QTMAN: variants seen among roughly 807,000 people sequenced by gnomAD.
The protein encoded by QTMAN is queuosine-tRNA mannosyltransferase.
chr2:144,069,309 A>AC, the QTMAN span, among the ~76,000 whole-genome samples: 2 of 151,920 alleles, frequency 1.3e-5, no homozygotes, highest in African/African-American at 2.4e-5. Flanking sequence ...AAAAAAAAAA[A>AC]AAAACACCTA....
At chr2:144,234,429 T>G in the QTMAN span, among the ~76,000 whole-genome samples, 1 of 152,030 alleles carries the variant, frequency 6.6e-6, no homozygotes, top group African/African-American at 2.4e-5. Flanking sequence ...AAGGGAGAGG[T>G]CTATTTTCTA....
At chr2:144,119,983 CA>C in the QTMAN span, among the ~76,000 whole-genome samples, 19 of 152,006 alleles carry the variant, frequency 1.2e-4, no homozygotes, top group Admixed American at 1.3e-4. Context: ...AGTAATGTGA[CA>C]AAGTTACTGT....
chr2:144,255,176 G>C, the QTMAN span, among the ~76,000 whole-genome samples: 16 of 152,176 alleles, frequency 1.1e-4, no homozygotes, highest in African/African-American at 3.6e-4. Flanking sequence ...AGATTTGGGA[G>C]GGGCCAGGGG....
the QTMAN span, among the ~76,000 whole-genome samples, chr2:144,151,333 C>A: frequency 3.3e-5 from 5 of 152,006 alleles, no homozygotes; most frequent in African/African-American, 1.2e-4. Context: ...ATACTCATGT[C>A]CATAAAGTTT....
the QTMAN span, among the ~76,000 whole-genome samples, chr2:144,133,151 A>ATATAT: frequency 6.0e-4 from 31 of 51,378 alleles, no homozygotes; most frequent in African/African-American, 2.3e-3. Flanking sequence ...ATATATATAT[A>ATATAT]ATATAATATA....
chr2:144,101,058 T>C, the QTMAN span, among the ~76,000 whole-genome samples: 280 of 151,976 alleles, frequency 1.8e-3, no homozygotes, highest in African/African-American at 6.3e-3. Flanking sequence ...TTAGTACAGA[T>C]GGGGTTTCAC....
the QTMAN span, among the ~76,000 whole-genome samples, chr2:144,008,736 A>G: frequency 6.6e-6 from 1 of 152,086 alleles, no homozygotes; most frequent in African/African-American, 2.4e-5. Flanking sequence ...ATATCACATT[A>G]TTGAAATGAA....
At chr2:143,952,122 C>T in the QTMAN span, 15 of 1,036,836 alleles carry the variant, frequency 1.4e-5, no homozygotes, top group African/African-American at 1.6e-4. Flanking sequence ...CCTCAAAGCA[C>T]ACACTCGATA....
the QTMAN span, among the ~76,000 whole-genome samples, chr2:144,095,524 C>T: frequency 1.3e-5 from 2 of 152,084 alleles, no homozygotes; most frequent in Non-Finnish European, 2.9e-5. Flanking sequence ...CTGTTAGATG[C>T]ATCATGACAT....
chr2:144,064,276 G>A, the QTMAN span, among the ~76,000 whole-genome samples: 17 of 152,190 alleles, frequency 1.1e-4, no homozygotes, highest in African/African-American at 3.1e-4. Flanking sequence ...GGAAGCATTC[G>A]ATTTCATTCA....
At chr2:144,297,728 G>A in the QTMAN span, among the ~76,000 whole-genome samples, 30 of 150,150 alleles carry the variant, frequency 2.0e-4, no homozygotes, top group African/African-American at 6.9e-4. Context: ...CTACAGGTGC[G>A]TGCCACCACA....
At chr2:144,036,003 T>C in the QTMAN span, among the ~76,000 whole-genome samples, 1 of 152,220 alleles carries the variant, frequency 6.6e-6, no homozygotes, top group African/African-American at 2.4e-5. Context: ...GAGCATGTAA[T>C]TTCCTGGTTG....
the QTMAN span, among the ~76,000 whole-genome samples, chr2:144,102,451 G>A: frequency 4.6e-5 from 7 of 152,238 alleles, no homozygotes; most frequent in South Asian, 2.1e-4. Context: ...TACTTTTGAC[G>A]TTTTACAGCT....
the QTMAN span, among the ~76,000 whole-genome samples, chr2:144,043,227 TTGTGTGTG>T: frequency 4.0e-5 from 6 of 148,694 alleles, no homozygotes; most frequent in South Asian, 4.3e-4. Flanking sequence ...ATGTGTGAAT[TTGTGTGTG>T]TGTGTGTGTG....
the QTMAN span, among the ~76,000 whole-genome samples, chr2:144,128,847 T>A: frequency 6.6e-6 from 1 of 152,000 alleles, no homozygotes; most frequent in African/African-American, 2.4e-5. Context: ...GAAATGTAGT[T>A]GACATTTTTG....
At chr2:144,197,644 C>T in the QTMAN span, among the ~76,000 whole-genome samples, 4 of 152,072 alleles carry the variant, frequency 2.6e-5, no homozygotes, top group African/African-American at 2.4e-5. Context: ...ATTTCAGTTC[C>T]GTTCCAGACA....
the QTMAN span, among the ~76,000 whole-genome samples, chr2:144,222,650 C>CA: frequency 1.3e-5 from 2 of 151,146 alleles, no homozygotes; most frequent in Admixed American, 6.6e-5. Flanking sequence ...ACTAAAAATA[C>CA]AAAAAAAATT....
the QTMAN span, among the ~76,000 whole-genome samples, chr2:144,024,691 G>A: frequency 6.6e-6 from 1 of 152,188 alleles, no homozygotes; most frequent in Admixed American, 6.5e-5. Context: ...CTGCTATGCA[G>A]TATTATTAGA....
At chr2:144,172,965 T>G in the QTMAN span, among the ~76,000 whole-genome samples, 2 of 152,262 alleles carry the variant, frequency 1.3e-5, no homozygotes, top group Admixed American at 1.3e-4. Context: ...TCTTGTGTTT[T>G]TTTTCTTCTT....
Sources: allele counts gnomAD v4.1 joint callset (sites outside exome capture counted in the v4.1 genomes callset), GRCh38; gene constraint gnomAD v4.1.1; transcripts MANE v1.5; gene names NCBI Gene and HGNC (gene_info 2026-07-23, HGNC 2026-07-21).